Variants in UBE2E2 observed in about 807,000 individuals in gnomAD.
The protein encoded by UBE2E2 is ubiquitin-conjugating enzyme E2 E2.
In UBE2E2, 6 loss-of-function variants were observed where a neutral mutation model predicts 24.7. The observed-to-expected ratio is 0.24, with a 90% confidence interval of 0.13 to 0.48. The LOEUF is 0.48. Among genes scored for constraint, UBE2E2 ranks in the 20% least tolerant of loss-of-function variants. The probability of loss-of-function intolerance (pLI) is 0.99; values close to 1 mark genes in which losing one functional copy is unlikely to be tolerated. For synonymous variants in UBE2E2, 104 were observed against 83.6 expected (o/e 1.24, Z -1.33); for missense variants, 169 against 245.0 (o/e 0.69, Z 2.07).
At chr3:23,248,620 G>A (rs1697485411) in intron 3 of UBE2E2, among the ~76,000 whole-genome samples, 2 of 152,186 alleles carry the variant, frequency 1.3e-5, no homozygotes, top group Admixed American at 6.5e-5. Context: ...TTTACGAAAA[G>A]GAGAGAACAT....
At chr3:23,230,795 A>G (rs1463067405) in intron 3 of UBE2E2, among the ~76,000 whole-genome samples, 4 of 151,658 alleles carry the variant, frequency 2.6e-5, no homozygotes, top group African/African-American at 4.8e-5. Flanking sequence ...TCAAAAAGAA[A>G]AAAAAAAAAA....
chr3:23,346,883 G>A (rs951703029), intron 3 of UBE2E2, among the ~76,000 whole-genome samples: 3 of 152,144 alleles, frequency 2.0e-5, no homozygotes, highest in African/African-American at 7.2e-5. Context: ...AGTTACATAT[G>A]AGCCCTGTTT....
At chr3:23,524,857 GACACACAGAC>G (rs898354598) in intron 4 of UBE2E2, among the ~76,000 whole-genome samples, 1 of 128,796 alleles carries the variant, frequency 7.8e-6, no homozygotes, top group South Asian at 2.6e-4. Flanking sequence ...GATACACACA[GACACACAGAC>G]ACACACACAC....
chr3:23,317,461 A>G (rs1390078540), intron 3 of UBE2E2, among the ~76,000 whole-genome samples: 1 of 152,104 alleles, frequency 6.6e-6, no homozygotes, highest in Non-Finnish European at 1.5e-5. Context: ...CTGCTGGTGG[A>G]TGGGGAGGTG....
intron 2 of UBE2E2, among the ~76,000 whole-genome samples, chr3:23,212,317 T>C (rs200488380): frequency 6.6e-6 from 1 of 152,216 alleles, no homozygotes; most frequent in Non-Finnish European, 1.5e-5. Flanking sequence ...CATGCTCTTA[T>C]CACAGCCTGT....
intron 3 of UBE2E2, among the ~76,000 whole-genome samples, chr3:23,224,306 C>T (rs1575483166): frequency 6.6e-6 from 1 of 151,610 alleles, no homozygotes; most frequent in Non-Finnish European, 1.5e-5. Context: ...CATAGAATAC[C>T]TTTCCATTTT....
chr3:23,405,120 G>T (rs921963580), intron 3 of UBE2E2, among the ~76,000 whole-genome samples: 1 of 152,134 alleles, frequency 6.6e-6, no homozygotes, highest in African/African-American at 2.4e-5. Flanking sequence ...CAATATTTTT[G>T]GGTTTGCTTT....
chr3:23,288,090 T>C (rs1267551939), intron 3 of UBE2E2, among the ~76,000 whole-genome samples: 1 of 152,140 alleles, frequency 6.6e-6, no homozygotes, highest in Non-Finnish European at 1.5e-5. Context: ...AGTACTGCTT[T>C]TGCTACATCC....
intron 3 of UBE2E2, among the ~76,000 whole-genome samples, chr3:23,288,940 G>C (rs1698689525): frequency 6.6e-6 from 1 of 152,210 alleles, no homozygotes; most frequent in Non-Finnish European, 1.5e-5. Flanking sequence ...GGGGCATGGG[G>C]GAGGGGTGGC....
intron 3 of UBE2E2, among the ~76,000 whole-genome samples, chr3:23,372,478 G>C (rs913764863): frequency 6.6e-6 from 1 of 152,154 alleles, no homozygotes; most frequent in Admixed American, 6.6e-5. Context: ...TCAGCAGGGG[G>C]TTAGCAGCAC....
At chr3:23,373,319 T>A (rs1696441747) in intron 3 of UBE2E2, among the ~76,000 whole-genome samples, 1 of 152,208 alleles carries the variant, frequency 6.6e-6, no homozygotes, top group Non-Finnish European at 1.5e-5. Flanking sequence ...AGACACTCAC[T>A]GTCCTGTGGG....
chr3:23,241,414 C>T (rs1049534133), intron 3 of UBE2E2, among the ~76,000 whole-genome samples: 17 of 152,170 alleles, frequency 1.1e-4, no homozygotes, highest in Admixed American at 5.2e-4. Context: ...TCATATTACT[C>T]CTTGTGTTCC....
intron 3 of UBE2E2, among the ~76,000 whole-genome samples, chr3:23,309,102 C>G (rs1699310583): frequency 6.6e-6 from 1 of 152,178 alleles, no homozygotes; most frequent in South Asian, 2.1e-4. Flanking sequence ...AGTTCCTGGC[C>G]ACTTTGTTCT....
chr3:23,248,757 A>G (rs1471727931), intron 3 of UBE2E2, among the ~76,000 whole-genome samples: 1 of 152,212 alleles, frequency 6.6e-6, no homozygotes, highest in Non-Finnish European at 1.5e-5. Flanking sequence ...TGCATTTCAT[A>G]GTGTGAATAG....
At chr3:23,459,471 A>T (rs934403180) in intron 3 of UBE2E2, among the ~76,000 whole-genome samples, 2 of 152,252 alleles carry the variant, frequency 1.3e-5, no homozygotes, top group African/African-American at 4.8e-5. Flanking sequence ...ACTTGTAATC[A>T]TGAGAAAATA....
At chr3:23,318,064 C>T (rs1694632429) in intron 3 of UBE2E2, among the ~76,000 whole-genome samples, 1 of 151,990 alleles carries the variant, frequency 6.6e-6, no homozygotes, top group Non-Finnish European at 1.5e-5. Flanking sequence ...AACAAGTTTC[C>T]TCCCTACTTT....
chr3:23,403,844 G>C (rs1411428675), intron 3 of UBE2E2, among the ~76,000 whole-genome samples: 1 of 147,758 alleles, frequency 6.8e-6, no homozygotes, highest in East Asian at 2.0e-4. Flanking sequence ...TAGGATAGTA[G>C]TAATTTTAAA....
intron 1 of UBE2E2, among the ~76,000 whole-genome samples, chr3:23,205,728 G>A (rs1358605734): frequency 6.6e-6 from 1 of 152,152 alleles, no homozygotes; most frequent in Admixed American, 6.5e-5. Flanking sequence ...TTTCCTTAAT[G>A]TGAAACCAGA....
intron 3 of UBE2E2, among the ~76,000 whole-genome samples, chr3:23,323,072 G>A (rs1694788018): frequency 6.6e-6 from 1 of 151,764 alleles, no homozygotes; most frequent in Admixed American, 6.6e-5. Context: ...CCATGAATTA[G>A]GAATTATCTA....
Sources: allele counts gnomAD v4.1 joint callset (sites outside exome capture counted in the v4.1 genomes callset), GRCh38; gene constraint gnomAD v4.1.1; transcripts MANE v1.5; gene names NCBI Gene and HGNC (gene_info 2026-07-23, HGNC 2026-07-21).